Variants in KLHL20 observed in about 807,000 individuals in gnomAD.
KLHL20 encodes kelch-like protein 20.
A neutral mutation model predicts 69.5 loss-of-function variants in KLHL20; 29 were observed. That is an observed-to-expected ratio of 0.42 (90% CI 0.31 to 0.57). KLHL20 has a LOEUF of 0.57. Ranked by LOEUF, KLHL20 falls within the 20% of genes least tolerant of loss-of-function variation. The pLI, the probability that KLHL20 is intolerant of heterozygous loss-of-function variation, is 0.18. For synonymous variants in KLHL20, 253 were observed against 265.2 expected (o/e 0.95, Z 0.45); for missense variants, 419 against 776.0 (o/e 0.54, Z 5.47).
At chr1:173,741,029 A>G (rs773028503) in intron 3 of KLHL20, among the ~76,000 whole-genome samples, 29 of 152,220 alleles carry the variant, frequency 1.9e-4, no homozygotes, top group Non-Finnish European at 3.1e-4. Context: ...TATGTCAGTA[A>G]ATTCACTTCA....
intron 10 of KLHL20, among the ~76,000 whole-genome samples, chr1:173,777,535 C>CTGTCA (rs1648550132): frequency 2.0e-5 from 3 of 152,140 alleles, no homozygotes; most frequent in Non-Finnish European, 4.4e-5. Flanking sequence ...CTAAATGATG[C>CTGTCA]TATCTGTGGG....
At chr1:173,750,456 C>T (rs901284818) in intron 3 of KLHL20, among the ~76,000 whole-genome samples, 9 of 151,740 alleles carry the variant, frequency 5.9e-5, no homozygotes, top group Middle Eastern at 3.4e-3. Flanking sequence ...ACTACAGGCA[C>T]GCACCACCAT....
At chr1:173,740,612 G>T (rs1377943513) in intron 3 of KLHL20, among the ~76,000 whole-genome samples, 4 of 152,008 alleles carry the variant, frequency 2.6e-5, no homozygotes, top group African/African-American at 4.8e-5. Context: ...TCAGTTTAAA[G>T]AATTTTTTAA....
Position 173,757,047 on chromosome 1 carries a change from A to G in KLHL20, c.1039A>G (p.Met347Val), listed in dbSNP as rs1673580807. 3 of 1,614,082 alleles carry G rather than the reference A, an allele frequency of 1.9e-6. No homozygotes were observed. Among genetic ancestry groups the G allele is most frequent in the African/African-American group, 1.3e-5 (1 of 74,950 alleles). Residue 347 changes from methionine to valine, a missense_variant, in exon 7 of 12, where the codon ATG becomes GTG. Coordinates refer to ENST00000209884, the MANE Select transcript of KLHL20 (RefSeq NM_014458.4). ...RYDPQTNEWR[M>V]VASMSKRRCG... The stretch of plus-strand genomic sequence containing the variant: ...TGATCCACAGACCAATGAATGGAGA[A>G]TGGTGGCTTCAATGAGCAAAAGGAG...
In KLHL20 at chr1:173,785,243, G is replaced by C; in HGVS notation, c.1826G>C (p.Trp609Ser). The change falls in exon 12 of 12, where the codon TGG (tryptophan) becomes TCG (serine). Residue 609 changes from tryptophan to serine, a missense_variant. Trp to Ser is a radical substitution (Grantham distance 177). Coordinates refer to ENST00000209884, the MANE Select transcript of KLHL20 (RefSeq NM_014458.4). ...IKMTHCESHI[W>S] ...ATGACACATTGTGAATCCCATATTTGGTGAACACAGAGAAGACAGTCTTGT... is the reference window on the plus strand; with the variant it reads ...ATGACACATTGTGAATCCCATATTTCGTGAACACAGAGAAGACAGTCTTGT... The C allele has an allele frequency of 6.2e-7, 1 of 1,608,350 alleles. No individual in the cohort carries two copies. Among genetic ancestry groups the C allele is most frequent in the Non-Finnish European group, 8.5e-7 (1 of 1,177,034 alleles).
chr1:173,736,859 G>C (rs1571872579), intron 3 of KLHL20, among the ~76,000 whole-genome samples: 1 of 152,176 alleles, frequency 6.6e-6, no homozygotes, highest in Non-Finnish European at 1.5e-5. Flanking sequence ...GCCTCCCAAA[G>C]TGCTGGGATT....
Position 173,782,731 on chromosome 1 carries a change from T to A in KLHL20, c.1745+501T>A, listed in dbSNP as rs6685196. Among the ~76,000 whole-genome samples, 1,076 of 152,322 alleles carry A rather than the reference T, an allele frequency of 7.1e-3. 11 individuals are homozygous for A. The highest frequency in any genetic ancestry group is 0.023 in the African/African-American group (956 of 41,576). On this transcript the variant is annotated intron_variant, in intron 11 of 11. Transcript: ENST00000209884. ...TTTAACTTTTAGGGAGGAGGCTACATCTTATTTAAGAGAGCTTAACTTAAA... is the reference window on the plus strand; with the variant it reads ...TTTAACTTTTAGGGAGGAGGCTACAACTTATTTAAGAGAGCTTAACTTAAA...
intron 10 of KLHL20, among the ~76,000 whole-genome samples, chr1:173,781,113 G>A (rs1173299719): frequency 6.6e-6 from 1 of 151,952 alleles, no homozygotes; most frequent in African/African-American, 2.4e-5. Context: ...GTGTGGAGGT[G>A]TGAAAAATGT....
chr1:173,755,242 A>G (rs1217766175), intron 5 of KLHL20, among the ~76,000 whole-genome samples: 2 of 152,046 alleles, frequency 1.3e-5, no homozygotes, highest in African/African-American at 4.8e-5. Context: ...TATTTTTAGT[A>G]GAGACGGGGT....
intron 2 of KLHL20, among the ~76,000 whole-genome samples, chr1:173,717,458 T>C (rs1486831312): frequency 1.3e-5 from 2 of 152,204 alleles, no homozygotes; most frequent in East Asian, 1.9e-4. Context: ...CCTACTCACA[T>C]TGGTCTCTGG....
intron 2 of KLHL20, among the ~76,000 whole-genome samples, chr1:173,730,925 A>G (rs868391462): frequency 2.6e-5 from 4 of 152,110 alleles, no homozygotes; most frequent in South Asian, 2.1e-4. Context: ...CCATCAGAGT[A>G]AACAGGCAAC....
Position 173,732,202 on chromosome 1 carries a change from A to G in KLHL20, c.24-1511A>G, listed in dbSNP as rs559491455. 4.0e-3 allele frequency among the ~76,000 whole-genome samples: 614 copies of G among 152,212 alleles called. 3 individuals carry two copies. The highest frequency in any genetic ancestry group is 4.2e-3 in the South Asian group (20 of 4,812). ...ACAGAGCCAGACTCTGTCTCAAAAAAAAAAAAAACCAGTGTGATGGCATGT... is the reference window on the plus strand; with the variant it reads ...ACAGAGCCAGACTCTGTCTCAAAAAGAAAAAAAACCAGTGTGATGGCATGT... On this transcript the variant is annotated intron_variant, in intron 2 of 11. Transcript: ENST00000209884.
chr1:173,737,895 G>A (rs1672607751), intron 3 of KLHL20, among the ~76,000 whole-genome samples: 1 of 149,554 alleles, frequency 6.7e-6, no homozygotes, highest in Non-Finnish European at 1.5e-5. Flanking sequence ...TTTCAGCAGT[G>A]TTTTGGTAGA....
intron 3 of KLHL20, among the ~76,000 whole-genome samples, chr1:173,745,127 G>A (rs891133998): frequency 1.4e-5 from 2 of 141,862 alleles, no homozygotes; most frequent in Non-Finnish European, 3.1e-5. Context: ...TCTTGGGAAC[G>A]TTTTATGGTT....
chr1:173,722,717 G>A (rs1348983026), intron 2 of KLHL20, among the ~76,000 whole-genome samples: 11 of 131,110 alleles, frequency 8.4e-5, no homozygotes, highest in South Asian at 4.5e-4. Context: ...ATAGAGTTTC[G>A]CTTTTGTTTC....
chr1:173,716,073 A>G lies in KLHL20; in HGVS notation c.23+7A>G. On this transcript the variant is annotated splice_region_variant and intron_variant, in intron 2 of 11. Coordinates refer to ENST00000209884, the MANE Select transcript of KLHL20 (RefSeq NM_014458.4). ...AAGGAAAGCCAATGCGCAGGTAGGC[A>G]TTTAGGAAGAAAACCTTTGGTTTCA... 2 of 1,613,488 alleles carry G rather than the reference A, an allele frequency of 1.2e-6. No homozygotes were observed. Among genetic ancestry groups the G allele is most frequent in the Non-Finnish European group, 1.7e-6 (2 of 1,179,616 alleles).
In KLHL20 at chr1:173,732,823, T is replaced by C. The variant is rs933938369; in HGVS notation, c.24-890T>C. 1.6e-4 allele frequency among the ~76,000 whole-genome samples: 25 copies of C among 152,290 alleles called. 2 individuals carry two copies. Among genetic ancestry groups the C allele is most frequent in the Admixed American group, 1.4e-3 (22 of 15,290 alleles). On this transcript the variant is annotated intron_variant, in intron 2 of 11. Coordinates refer to ENST00000209884, the MANE Select transcript of KLHL20 (RefSeq NM_014458.4). Reference sequence around the variant, plus strand: ...TTTGACAGGAGCAATTCAACATATGTAGTACTTTTAAATGAAGCTTATCAT... The same window carrying C: ...TTTGACAGGAGCAATTCAACATATGCAGTACTTTTAAATGAAGCTTATCAT...
chr1:173,776,154 G>GT (rs1648451511), intron 10 of KLHL20, among the ~76,000 whole-genome samples: 1 of 152,144 alleles, frequency 6.6e-6, no homozygotes, highest in Non-Finnish European at 1.5e-5. Context: ...ACATCTCATT[G>GT]TAATTTTCAT....
At chr1:173,717,078 G>A (rs1186638981) in intron 2 of KLHL20, among the ~76,000 whole-genome samples, 2 of 152,002 alleles carry the variant, frequency 1.3e-5, no homozygotes, top group Non-Finnish European at 2.9e-5. Context: ...TCTGTAGTAG[G>A]AATAATATTT....
Sources: allele counts gnomAD v4.1 joint callset (sites outside exome capture counted in the v4.1 genomes callset), GRCh38; gene constraint gnomAD v4.1.1; transcripts MANE v1.5; gene names NCBI Gene and HGNC (gene_info 2026-07-23, HGNC 2026-07-21).